MAP6: variants seen among roughly 807,000 people sequenced by gnomAD.
The protein encoded by MAP6 is microtubule-associated protein 6.
MAP6 carries 26 observed loss-of-function variants against 42.4 expected under a neutral mutation model. The observed-to-expected ratio is 0.61, with a 90% CI of 0.45 to 0.85. The LOEUF (loss-of-function observed/expected upper bound fraction) is 0.85. Among genes scored for constraint, MAP6 ranks in the 40% least tolerant of loss-of-function variants. The probability of loss-of-function intolerance (pLI) is 0.00; values close to 1 mark genes in which losing one functional copy is unlikely to be tolerated. For synonymous variants in MAP6, 418 were observed against 443.8 expected, an observed-to-expected ratio of 0.94 and a Z score of 0.73; for missense variants, 966 against 1,099.0, an observed-to-expected ratio of 0.88 and a Z score of 1.71.
chr11:75,599,220 C>G (rs1006362766), intron 3 of MAP6, among the ~76,000 whole-genome samples: 2 of 152,158 alleles, frequency 1.3e-5, no homozygotes, highest in African/African-American at 4.8e-5. Flanking sequence ...CTGGGGCCAT[C>G]TGTCGAGATC....
chr11:75,589,664 C>A (rs547503179), intron 3 of MAP6, among the ~76,000 whole-genome samples: 1 of 152,190 alleles, frequency 6.6e-6, no homozygotes, highest in African/African-American at 2.4e-5. Context: ...GTGTGCCTGG[C>A]ACATAGTAGG....
chr11:75,609,671 T>C (rs1048782568), intron 1 of MAP6, among the ~76,000 whole-genome samples: 6 of 152,234 alleles, frequency 3.9e-5, no homozygotes, highest in Admixed American at 1.3e-4. Context: ...TTGGTAACAC[T>C]GAGCCACTTG....
At chr11:75,596,775 CA>C (rs1027626639) in intron 3 of MAP6, among the ~76,000 whole-genome samples, 2 of 152,126 alleles carry the variant, frequency 1.3e-5, no homozygotes, top group South Asian at 2.1e-4. Flanking sequence ...AATTCTGGGT[CA>C]GGGGTGGAGG....
intron 1 of MAP6, among the ~76,000 whole-genome samples, chr11:75,651,483 G>A (rs3862804): frequency 6.6e-6 from 1 of 152,014 alleles, no homozygotes; most frequent in Admixed American, 6.6e-5. Context: ...GCATGTTGAT[G>A]ATCTCACTGT....
chr11:75,607,189 C>A (rs1942795667), intron 2 of MAP6: 1 of 975,708 alleles, frequency 1.0e-6, no homozygotes, highest in African/African-American at 1.8e-5. Context: ...GAATCCCAGG[C>A]AAACTGGGTC....
intron 1 of MAP6, among the ~76,000 whole-genome samples, chr11:75,666,202 C>T (rs1409588419): frequency 3.3e-5 from 5 of 152,062 alleles, no homozygotes; most frequent in African/African-American, 4.8e-5. Context: ...CAGATCTTCC[C>T]CGAGAGACCC....
At chr11:75,648,604 A>G (rs900274144) in intron 1 of MAP6, among the ~76,000 whole-genome samples, 6 of 152,226 alleles carry the variant, frequency 3.9e-5, no homozygotes, top group African/African-American at 1.4e-4. Flanking sequence ...ATAAAAAATA[A>G]ATGATAAAGG....
chr11:75,589,667 A>G (rs1213184408), intron 3 of MAP6, among the ~76,000 whole-genome samples: 1 of 152,236 alleles, frequency 6.6e-6, no homozygotes, highest in Non-Finnish European at 1.5e-5. Context: ...TGCCTGGCAC[A>G]TAGTAGGTGC....
chr11:75,665,313 G>C (rs2135703210), intron 1 of MAP6, among the ~76,000 whole-genome samples: 1 of 152,336 alleles, frequency 6.6e-6, no homozygotes. Flanking sequence ...CAAATCTGGA[G>C]TGCGTTATAT....
chr11:75,626,406 G>C (rs1943195631), intron 1 of MAP6, among the ~76,000 whole-genome samples: 1 of 152,180 alleles, frequency 6.6e-6, no homozygotes, highest in Non-Finnish European at 1.5e-5. Context: ...GAAGCAGCAG[G>C]AGCCACTCAA....
chr11:75,646,772 C>T lies in MAP6; in HGVS notation c.905+20693G>A, dbSNP rs61895135. Among the ~76,000 whole-genome samples the T allele has an allele frequency of 4.5e-3, 682 of 151,952 alleles. 2 individuals carry two copies. The highest frequency in any genetic ancestry group is 7.8e-3 in the Non-Finnish European group (531 of 67,978). The stretch of plus-strand genomic sequence containing the variant: ...CCGAGATGGCACCACTGCACTCCAG[C>T]GTGCGCAACAAGAGCAAAACTCCAT... On this transcript the variant is annotated intron_variant, in intron 1 of 3. Coordinates refer to ENST00000304771, the MANE Select transcript of MAP6 (RefSeq NM_033063.2).
chr11:75,641,482 A>AT (rs1179199954), intron 1 of MAP6, among the ~76,000 whole-genome samples: 2 of 137,430 alleles, frequency 1.5e-5, no homozygotes, highest in African/African-American at 2.6e-5. Flanking sequence ...TTAAAGTATA[A>AT]TAAAAAAAAA....
At chr11:75,638,943 T>C (rs1475396537) in intron 1 of MAP6, among the ~76,000 whole-genome samples, 1 of 152,248 alleles carries the variant, frequency 6.6e-6, no homozygotes, top group East Asian at 1.9e-4. Context: ...ATATGGTATA[T>C]ACACTACGGA....
intron 3 of MAP6, among the ~76,000 whole-genome samples, chr11:75,593,078 C>A (rs904939237): frequency 5.3e-5 from 8 of 152,248 alleles, no homozygotes; most frequent in Non-Finnish European, 1.2e-4. Flanking sequence ...TACAGGCTCT[C>A]CTAGTCCCTG....
At chr11:75,601,718 G>A (rs1164052169) in intron 3 of MAP6, among the ~76,000 whole-genome samples, 7 of 149,894 alleles carry the variant, frequency 4.7e-5, no homozygotes, top group South Asian at 2.1e-4. Context: ...GCCCACTCAC[G>A]TGCACCAGGC....
intron 1 of MAP6, among the ~76,000 whole-genome samples, chr11:75,640,239 C>A (rs1158207592): frequency 6.7e-6 from 1 of 150,112 alleles, no homozygotes; most frequent in East Asian, 2.0e-4. Context: ...TCTCACACGT[C>A]TTTCCCTAGA....
chr11:75,646,229 T>C (rs905099110), intron 1 of MAP6, among the ~76,000 whole-genome samples: 3 of 152,104 alleles, frequency 2.0e-5, no homozygotes, highest in South Asian at 2.1e-4. Flanking sequence ...TACCATAGAA[T>C]GGTATCTTCA....
chr11:75,657,871 A>C (rs1357915188), intron 1 of MAP6, among the ~76,000 whole-genome samples: 10 of 152,180 alleles, frequency 6.6e-5, no homozygotes, highest in African/African-American at 2.4e-4. Flanking sequence ...ATTACACTGA[A>C]CCCAAGTGAA....
chr11:75,659,752 T>G (rs1397944036), intron 1 of MAP6, among the ~76,000 whole-genome samples: 1 of 152,228 alleles, frequency 6.6e-6, no homozygotes. Flanking sequence ...AAAGCAGCAT[T>G]GTAGAGATAG....
Sources: allele counts gnomAD v4.1 joint callset (sites outside exome capture counted in the v4.1 genomes callset), GRCh38; gene constraint gnomAD v4.1.1; transcripts MANE v1.5; gene names NCBI Gene and HGNC (gene_info 2026-07-23, HGNC 2026-07-21).